NETO1: variants seen among roughly 807,000 people sequenced by gnomAD.
NETO1 encodes neuropilin and tolloid like 1, also known as neuropilin and tolloid-like protein 1.
NETO1 carries 26 observed loss-of-function variants against 61.3 expected under a neutral mutation model. The observed-to-expected ratio is 0.42, with a 90% confidence interval of 0.31 to 0.59. The LOEUF (loss-of-function observed/expected upper bound fraction) is 0.59. Ranked by LOEUF, NETO1 falls within the 20% of genes least tolerant of loss-of-function variation. NETO1 has a pLI of 0.12. For missense variants in NETO1, 531 were observed against 662.8 expected, an observed-to-expected ratio of 0.80 and a Z score of 2.18; for synonymous variants, 225 against 225.8, an observed-to-expected ratio of 1.00 and a Z score of 0.03.
At chr18:72,756,672 GAAC>G (rs913683669) in intron 7 of NETO1, among the ~76,000 whole-genome samples, 3 of 151,828 alleles carry the variant, frequency 2.0e-5, no homozygotes, top group Non-Finnish European at 2.9e-5. Flanking sequence ...AATTAATCCT[GAAC>G]AACATAAAAA....
intron 7 of NETO1, among the ~76,000 whole-genome samples, chr18:72,777,823 A>G (rs1323025570): frequency 1.3e-5 from 2 of 152,212 alleles, no homozygotes; most frequent in East Asian, 1.9e-4. Flanking sequence ...GGTCTACCCA[A>G]CTGCTTTTCT....
At chr18:72,802,405 G>A (rs76935882) in intron 4 of NETO1, among the ~76,000 whole-genome samples, 13,644 of 152,288 alleles carry the variant, frequency 0.09, 844 homozygotes, top group Middle Eastern at 0.21. Flanking sequence ...GTAACTTGCT[G>A]ATTAAAGTTT....
rs1849665800 is a variant in NETO1 at position 72,743,932 on chromosome 18, G to C, written c.*4247C>G. The C allele has an allele frequency of 6.6e-6, 1 of 151,840 alleles. No homozygotes were observed. The highest frequency in any genetic ancestry group is 1.5e-5 in the Non-Finnish European group (1 of 67,958). 9.4% of individuals were successfully genotyped at this position (151,840 alleles called of 1,614,324 possible). On this transcript the variant is annotated 3_prime_UTR_variant, in exon 11 of 11. Transcript: ENST00000327305. ...AGGTTGGAAAGATGGCAGAAGTTGG[G>C]GACAAAAAAGAACATGTTGGCTGCA...
intron 4 of NETO1, among the ~76,000 whole-genome samples, chr18:72,838,834 A>C (rs980476284): frequency 3.3e-5 from 5 of 152,148 alleles, no homozygotes; most frequent in African/African-American, 1.2e-4. Context: ...TTTATTCAAC[A>C]ATTGTCTTTA....
chr18:72,749,544 A>T (rs1182362221), intron 9 of NETO1, among the ~76,000 whole-genome samples: 1 of 152,154 alleles, frequency 6.6e-6, no homozygotes, highest in Non-Finnish European at 1.5e-5. Context: ...TATAAATATT[A>T]TGTAATATGT....
chr18:72,794,308 T>A, intron 5 of NETO1, 55 bp downstream of exon 5: 1 of 1,613,726 alleles, frequency 6.2e-7, no homozygotes, highest in Non-Finnish European at 8.5e-7. Context: ...CAAAAGTGTA[T>A]TTCATAGCAG....
chr18:72,832,018 A>G (rs2073597362), intron 4 of NETO1, among the ~76,000 whole-genome samples: 1 of 152,206 alleles, frequency 6.6e-6, no homozygotes, highest in Non-Finnish European at 1.5e-5. Flanking sequence ...ACTTATCTTT[A>G]TTATGACAAA....
chr18:72,825,800 A>G (rs568451946), intron 4 of NETO1, among the ~76,000 whole-genome samples: 1 of 152,300 alleles, frequency 6.6e-6, no homozygotes, highest in African/African-American at 2.4e-5. Flanking sequence ...GATCTTTAAA[A>G]GTGAAATTTT....
intron 4 of NETO1, among the ~76,000 whole-genome samples, chr18:72,832,504 T>C (rs2073614460): frequency 6.6e-6 from 1 of 152,202 alleles, no homozygotes; most frequent in Non-Finnish European, 1.5e-5. Context: ...AATTAAAAAA[T>C]AGCCAAGTAG....
intron 4 of NETO1, among the ~76,000 whole-genome samples, chr18:72,846,679 C>T (rs948063698): frequency 4.4e-4 from 67 of 151,444 alleles, no homozygotes; most frequent in African/African-American, 1.5e-3. Context: ...AATTGAGACG[C>T]AGATATTACT....
intron 6 of NETO1, among the ~76,000 whole-genome samples, chr18:72,788,571 G>T (rs1056837534): frequency 4.0e-5 from 6 of 151,742 alleles, no homozygotes; most frequent in African/African-American, 1.5e-4. Flanking sequence ...AAAAAAAAGA[G>T]AAAATGATAA....
At chr18:72,828,528 A>G (rs1444999222) in intron 4 of NETO1, among the ~76,000 whole-genome samples, 1 of 152,246 alleles carries the variant, frequency 6.6e-6, no homozygotes, top group Non-Finnish European at 1.5e-5. Flanking sequence ...TGAAATTTTC[A>G]ATAAAATTTT....
chr18:72,827,691 G>T (rs977570246), intron 4 of NETO1, among the ~76,000 whole-genome samples: 5 of 148,796 alleles, frequency 3.4e-5, no homozygotes, highest in African/African-American at 1.2e-4. Context: ...ACTTCATCCT[G>T]GGCAACCAAA....
At chr18:72,847,566 T>C (rs989555861) in intron 4 of NETO1, among the ~76,000 whole-genome samples, 14 of 152,210 alleles carry the variant, frequency 9.2e-5, no homozygotes, top group African/African-American at 1.7e-4. Flanking sequence ...TTGGGAAGGA[T>C]TGCAAGTTAT....
intron 4 of NETO1, among the ~76,000 whole-genome samples, chr18:72,846,914 A>G (rs2074107848): frequency 6.6e-6 from 1 of 152,156 alleles, no homozygotes. Flanking sequence ...CACAAATTCT[A>G]CTTTGTTTGC....
At chr18:72,866,384 A>G (rs1057305565) in intron 1 of NETO1, among the ~76,000 whole-genome samples, 6 of 152,134 alleles carry the variant, frequency 3.9e-5, no homozygotes, top group African/African-American at 1.4e-4. Flanking sequence ...TTGCATTTTA[A>G]ATTAAGGCAC....
intron 4 of NETO1, among the ~76,000 whole-genome samples, chr18:72,809,928 G>A (rs746963109): frequency 3.3e-5 from 5 of 152,166 alleles, no homozygotes; most frequent in Admixed American, 6.5e-5. Flanking sequence ...TGCTAGGTGC[G>A]CAAGTCCCTT....
At chr18:72,861,052 AT>A (rs1241382855) in intron 3 of NETO1, among the ~76,000 whole-genome samples, 1 of 152,220 alleles carries the variant, frequency 6.6e-6, no homozygotes, top group African/African-American at 2.4e-5. Context: ...TTAGAACTCT[AT>A]CTGTCATCTT....
At chr18:72,807,882 C>T (rs1027930175) in intron 4 of NETO1, among the ~76,000 whole-genome samples, 1 of 152,118 alleles carries the variant, frequency 6.6e-6, no homozygotes, top group Non-Finnish European at 1.5e-5. Flanking sequence ...ACCAGGGACG[C>T]TCTTGATTGG....
Sources: allele counts gnomAD v4.1 joint callset (sites outside exome capture counted in the v4.1 genomes callset), GRCh38; gene constraint gnomAD v4.1.1; transcripts MANE v1.5; gene names NCBI Gene and HGNC (gene_info 2026-07-23, HGNC 2026-07-21).